Variants in EYS observed in about 807,000 individuals in gnomAD.
EYS encodes protein eyes shut homolog.
A neutral mutation model predicts 282.1 loss-of-function variants in EYS; 250 were observed. The observed-to-expected ratio is 0.89, with a 90% confidence interval of 0.80 to 0.98. The LOEUF is 0.98. Ranked by LOEUF, EYS falls within the 50% of genes least tolerant of loss-of-function variation. The pLI is 0.00. For missense variants in EYS, 4,016 were observed against 3,709.0 expected, an observed-to-expected ratio of 1.08 and a Z score of -2.15; for synonymous variants, 1,355 against 1,282.9, an observed-to-expected ratio of 1.06 and a Z score of -1.20.
chr6:63,924,345 T>C (rs937852891), intron 35 of EYS, among the ~76,000 whole-genome samples: 1 of 152,192 alleles, frequency 6.6e-6, no homozygotes, highest in Admixed American at 6.5e-5. Context: ...TTGAAATGCT[T>C]CGTGTGGAAA....
intron 10 of EYS, among the ~76,000 whole-genome samples, chr6:65,340,941 T>C (rs1488274635): frequency 6.6e-6 from 1 of 151,054 alleles, no homozygotes; most frequent in Non-Finnish European, 1.5e-5. Context: ...ACTGTGAAAG[T>C]GACATAGGTA....
intron 2 of EYS, among the ~76,000 whole-genome samples, chr6:65,572,973 T>C (rs141021454): frequency 3.5e-4 from 53 of 152,274 alleles, no homozygotes; most frequent in African/African-American, 1.2e-3. Flanking sequence ...ATGATTTACT[T>C]CAATGGGCTG....
chr6:65,025,528 T>C (rs912738286), intron 13 of EYS, among the ~76,000 whole-genome samples: 2 of 152,192 alleles, frequency 1.3e-5, no homozygotes, highest in African/African-American at 2.4e-5. Context: ...AATAATTATT[T>C]TGTTCAGTAA....
At chr6:65,113,419 C>T (rs1775275376) in intron 12 of EYS, among the ~76,000 whole-genome samples, 1 of 151,626 alleles carries the variant, frequency 6.6e-6, no homozygotes, top group Non-Finnish European at 1.5e-5. Flanking sequence ...AGGTTTATTC[C>T]TGAGAAAATA....
At chr6:65,309,405 GC>G (rs1410909486) in intron 11 of EYS, among the ~76,000 whole-genome samples, 1 of 152,134 alleles carries the variant, frequency 6.6e-6, no homozygotes, top group Non-Finnish European at 1.5e-5. Flanking sequence ...TGGTGAATCA[GC>G]CAAGGGTGAT....
At chr6:63,900,584 T>C (rs972354949) in intron 35 of EYS, among the ~76,000 whole-genome samples, 2 of 151,972 alleles carry the variant, frequency 1.3e-5, no homozygotes, top group Admixed American at 1.3e-4. Flanking sequence ...TGCACACAGG[T>C]GTAGAGGAGA....
rs1304289838 is a variant in EYS, at chr6:64,449,763, A to T, written c.5645-10411T>A. Among the ~76,000 whole-genome samples, 7 of 152,202 alleles carry T rather than the reference A, an allele frequency of 4.6e-5. No individual in the cohort carries two copies. The South Asian group carries it at 1.4e-3, about 31-fold the overall frequency. ...TTCATATCCAGCCAAACTAAGCTTC[A>T]TAAGTGAAGGAGAAATAAAATACTT... On this transcript the variant is annotated intron_variant, in intron 26 of 42. Transcript: ENST00000503581.
chr6:65,021,351 G>A (rs1772247673), intron 13 of EYS, among the ~76,000 whole-genome samples: 1 of 152,194 alleles, frequency 6.6e-6, no homozygotes, highest in Non-Finnish European at 1.5e-5. Context: ...AATACCATCA[G>A]TCTCTTTGCT....
At chr6:64,037,885 C>T (rs1770195877) in intron 33 of EYS, among the ~76,000 whole-genome samples, 1 of 152,062 alleles carries the variant, frequency 6.6e-6, no homozygotes, top group Admixed American at 6.6e-5. Flanking sequence ...TGAAATGTGG[C>T]ATTTCATTTT....
At chr6:65,575,265 T>G (rs1764620762) in intron 2 of EYS, among the ~76,000 whole-genome samples, 1 of 151,646 alleles carries the variant, frequency 6.6e-6, no homozygotes, top group South Asian at 2.1e-4. Flanking sequence ...AGGTGGAAGG[T>G]GCAGTGAGCT....
chr6:64,898,941 A>G (rs1767562640), intron 18 of EYS, among the ~76,000 whole-genome samples: 1 of 152,054 alleles, frequency 6.6e-6, no homozygotes, highest in African/African-American at 2.4e-5. Context: ...ATACAGGAGC[A>G]CCCAGATTAA....
chr6:64,984,743 G>C (rs1583360003), intron 14 of EYS, among the ~76,000 whole-genome samples: 1 of 151,324 alleles, frequency 6.6e-6, no homozygotes, highest in East Asian at 1.9e-4. Context: ...AGTGCAGCCA[G>C]GGACATATCT....
chr6:63,875,503 A>G (rs1053432904), intron 35 of EYS, among the ~76,000 whole-genome samples: 1 of 152,146 alleles, frequency 6.6e-6, no homozygotes, highest in Admixed American at 6.5e-5. Context: ...GTTATGGAGG[A>G]GTCCCTCTTT....
intron 22 of EYS, among the ~76,000 whole-genome samples, chr6:64,806,852 T>C (rs1764446368): frequency 6.6e-6 from 1 of 152,072 alleles, no homozygotes. Flanking sequence ...TTTCACATAT[T>C]AAAAACAAAC....
At chr6:64,086,396 T>A (rs1772158422) in intron 31 of EYS, among the ~76,000 whole-genome samples, 1 of 152,182 alleles carries the variant, frequency 6.6e-6, no homozygotes, top group Non-Finnish European at 1.5e-5. Context: ...TATTCAATCA[T>A]AATTACCTGA....
chr6:65,467,473 G>C (rs1765044601), intron 5 of EYS, among the ~76,000 whole-genome samples: 1 of 151,074 alleles, frequency 6.6e-6, no homozygotes, highest in Non-Finnish European at 1.5e-5. Context: ...TTATTCCCTA[G>C]AATGACAAAA....
At chr6:64,538,388 G>A (rs1764594655) in intron 26 of EYS, among the ~76,000 whole-genome samples, 1 of 152,036 alleles carries the variant, frequency 6.6e-6, no homozygotes, top group South Asian at 2.1e-4. Flanking sequence ...TTTCTTTCTG[G>A]AGCCAGAAAT....
Position 65,004,014 on chromosome 6 carries a change from G to A in EYS, c.2138-6311C>T, listed in dbSNP as rs1479119172. On this transcript the variant is annotated intron_variant, in intron 13 of 42. Transcript: ENST00000503581. ...TTCCCTCTTTCCTTCTTTTCTTCCT[G>A]TCTTTTTCCTCTATAAATTTATATT... Among the ~76,000 whole-genome samples, 2 of 146,128 alleles carry A rather than the reference G, an allele frequency of 1.4e-5. 1 individual carries two copies. Among genetic ancestry groups the A allele is most frequent in the Non-Finnish European group, 3.1e-5 (2 of 65,566 alleles).
At chr6:63,892,082 A>G (rs190045511) in intron 35 of EYS, among the ~76,000 whole-genome samples, 7 of 152,334 alleles carry the variant, frequency 4.6e-5, no homozygotes, top group African/African-American at 1.7e-4. Context: ...ATAAGAGAGG[A>G]CGCAAACAAA....
Sources: allele counts gnomAD v4.1 joint callset (sites outside exome capture counted in the v4.1 genomes callset), GRCh38; gene constraint gnomAD v4.1.1; transcripts MANE v1.5; gene names NCBI Gene and HGNC (gene_info 2026-07-23, HGNC 2026-07-21).